Variants in DOLPP1 observed in about 807,000 individuals in gnomAD.
DOLPP1 encodes dolichyldiphosphatase 1.
DOLPP1 carries 15 observed loss-of-function variants against 34.1 expected under a neutral mutation model. That is an observed-to-expected ratio of 0.44 (90% CI 0.29 to 0.68). DOLPP1 has a LOEUF of 0.68. Ranked by LOEUF, DOLPP1 falls within the 30% of genes least tolerant of loss-of-function variation. DOLPP1 has a pLI of 0.12. For synonymous variants in DOLPP1, 130 were observed against 128.2 expected (o/e 1.01, Z -0.10); for missense variants, 249 against 307.1 (o/e 0.81, Z 1.41).
intron 1 of DOLPP1, 80 bp downstream of exon 1, chr9:129,081,287 G>A: frequency 1.9e-6 from 3 of 1,542,050 alleles, no homozygotes; most frequent in Non-Finnish European, 2.6e-6. Context: ...GCTCGAGCCC[G>A]CGGAGGGGGC....
At chr9:129,086,582 G>A (rs1564149686) in intron 6 of DOLPP1, 127 bp from the exon 7 acceptor site, 4 of 1,011,682 alleles carry the variant, frequency 4.0e-6, no homozygotes, top group Non-Finnish European at 4.6e-6. Context: ...GGGGTCTCAG[G>A]CCAGGCAAAG....
chr9:129,088,882 A>T, intron 7 of DOLPP1, 89 bp from the exon 8 acceptor site: 1 of 1,357,174 alleles, frequency 7.4e-7, no homozygotes, highest in South Asian at 1.2e-5. Context: ...GCATTTGCCT[A>T]CTTAGTTGGG....
At position 129,085,252 on chromosome 9, in the gene DOLPP1, A is replaced by T. The variant is rs367784214; in HGVS notation, c.308A>T (p.His103Leu). The T allele has an allele frequency of 1.9e-6, 3 of 1,613,980 alleles. No individual in the cohort carries two copies. The African/African-American group carries it at 4.0e-5, about 22-fold the overall frequency. ...VGTKYGMPSS[H>L]SQFMWFFSVY... ...ACCAAGTACGGGATGCCCTCCAGCCATTCCCAGTTTATGTGGTTCTTCTCC... is the reference window on the plus strand; with the variant it reads ...ACCAAGTACGGGATGCCCTCCAGCCTTTCCCAGTTTATGTGGTTCTTCTCC... Residue 103 changes from histidine (H) to leucine (L), a missense_variant, in exon 4 of 8, where the codon CAT (histidine) becomes CTT (leucine). Physicochemically the swap from His to Leu is moderately conservative, Grantham distance 99 (BLOSUM62 -3). Coordinates refer to ENST00000372546, the MANE Select transcript of DOLPP1 (RefSeq NM_020438.5). The surrounding 1 kb of genome is among the most constrained non-coding windows in gnomAD (Gnocchi z 7.0).
In DOLPP1 at chr9:129,081,150, T is replaced by C. The variant is rs748008507; in HGVS notation, c.19T>C (p.Cys7Arg). The C allele has an allele frequency of 4.3e-6, 7 of 1,609,528 alleles. No individual in the cohort carries two copies. Among genetic ancestry groups the C allele is most frequent in the South Asian group, 1.1e-5 (1 of 91,004 alleles). The change falls in exon 1 of 8, where the codon TGC (cysteine) becomes CGC (arginine). Residue 7 changes from cysteine (C) to arginine (R), a missense_variant. Coordinates refer to ENST00000372546, the MANE Select transcript of DOLPP1 (RefSeq NM_020438.5). MAADGQCSLPASWRPVT... is the reference protein window; with the variant it reads MAADGQRSLPASWRPVT... ...GGGTAAGATGGCAGCGGACGGACAGTGCTCGCTCCCCGCTTCATGGCGGCC... is the reference window on the plus strand; with the variant it reads ...GGGTAAGATGGCAGCGGACGGACAGCGCTCGCTCCCCGCTTCATGGCGGCC...
intron 6 of DOLPP1, 50 bp from the exon 7 acceptor site, chr9:129,086,659 C>T (rs1319526262): frequency 5.2e-6 from 8 of 1,549,330 alleles, no homozygotes; most frequent in Non-Finnish European, 7.1e-6. Context: ...GGCATGGTAA[C>T]AGACTCATGC....
At chr9:129,086,077 G>T in intron 5 of DOLPP1, 62 bp from the exon 6 acceptor site, 1 of 1,551,744 alleles carries the variant, frequency 6.4e-7, no homozygotes, top group East Asian at 2.3e-5. Flanking sequence ...CATGGGCAGT[G>T]GGGATTGTGC....
intron 7 of DOLPP1, among the ~76,000 whole-genome samples, chr9:129,088,580 A>T (rs1426096470): frequency 6.6e-6 from 1 of 152,056 alleles, no homozygotes; most frequent in Non-Finnish European, 1.5e-5. Flanking sequence ...GGAGCTCACT[A>T]CATTTCTGTA....
At chr9:129,088,730 C>G (rs1847041064) in intron 7 of DOLPP1, among the ~76,000 whole-genome samples, 1 of 152,332 alleles carries the variant, frequency 6.6e-6, no homozygotes, top group African/African-American at 2.4e-5. Flanking sequence ...GCTCCAATCC[C>G]CTGGCTCCAC....
chr9:129,089,802 C>T lies in DOLPP1; in HGVS notation c.*795C>T, dbSNP rs41276746. 11 of 152,746 alleles carry T rather than the reference C, an allele frequency of 7.2e-5. No individual in the cohort carries two copies. The highest frequency in any genetic ancestry group is 1.6e-4 in the Non-Finnish European group (11 of 68,046). 9.5% of individuals were successfully genotyped at this position (152,746 alleles called of 1,614,324 possible). ...TGTTTACAGCTCTTTCTTGTCCTGC[C>T]ATCCAGTAGCAGTTAGTCTTCATCC... On this transcript the variant is annotated 3_prime_UTR_variant, in exon 8 of 8. Transcript: ENST00000372546. The surrounding 1 kb of genome is among the most constrained non-coding windows in gnomAD (Gnocchi z 4.9).
At chr9:129,088,011 A>G (rs1040756532) in intron 7 of DOLPP1, among the ~76,000 whole-genome samples, 4 of 151,520 alleles carry the variant, frequency 2.6e-5, no homozygotes, top group Non-Finnish European at 5.9e-5. Flanking sequence ...AGTGACAGCC[A>G]TGGTCCCCTG....
At position 129,089,523 on chromosome 9, in the gene DOLPP1, G is replaced by A. The variant is rs192295549; in HGVS notation, c.*516G>A. ...AGGGCAGACTGCCTCTCCCTGGGCC[G>A]GGGTGGCCTGGGTGCCAGGAGGAGG... On this transcript the variant is annotated 3_prime_UTR_variant, in exon 8 of 8. Transcript: ENST00000372546. This position sits in a 1 kb window ranked among gnomAD's most constrained non-coding sequence, Gnocchi z 4.9. The A allele has an allele frequency of 1.0e-3, 157 of 154,538 alleles. No individual in the cohort carries two copies. Among genetic ancestry groups the A allele is most frequent in the Non-Finnish European group, 1.7e-3 (117 of 69,198 alleles). 9.6% of individuals were successfully genotyped at this position (154,538 alleles called of 1,614,324 possible). A position where few individuals can be genotyped will look rare whatever the true frequency, so the allele number is the denominator to read the frequency against.
chr9:129,081,304 G>T, intron 1 of DOLPP1, 97 bp downstream of exon 1: 1 of 1,472,832 alleles, frequency 6.8e-7, no homozygotes, highest in Non-Finnish European at 9.2e-7. Flanking sequence ...GGGCGCCGGG[G>T]GACCGGGGTG....
Position 129,085,376 on chromosome 9 carries a change from AGCCCTT to A in DOLPP1, c.362+71_362+76del. On this transcript the variant is annotated intron_variant, in intron 4 of 7. Coordinates refer to ENST00000372546, the MANE Select transcript of DOLPP1 (RefSeq NM_020438.5). The surrounding 1 kb of genome is among the most constrained non-coding windows in gnomAD (Gnocchi z 7.0). ...CGAGTTCTGCTAGGGACTCACTGCT[AGCCCTT>A]TGGATGCCCCTGGGGTGGGAGGGGC... 6.5e-7 allele frequency: 1 copy of A among 1,545,598 alleles called. No individual in the cohort carries two copies. The highest frequency in any genetic ancestry group is 1.7e-4 in the Middle Eastern group (1 of 5,938).
In DOLPP1 at chr9:129,085,660, G is replaced by A. The variant is rs779257477; in HGVS notation, c.461+44G>A. On this transcript the variant is annotated intron_variant, in intron 5 of 7. Transcript: ENST00000372546. The surrounding 1 kb of genome is among the most constrained non-coding windows in gnomAD (Gnocchi z 7.0). ...CCCTGCCTGCACCCTGCCCATGTGG[G>A]GTCCTGCTGGTTCCTGGTCCCTGTC... 6.7e-5 allele frequency: 101 copies of A among 1,506,160 alleles called. No homozygotes were observed. Among genetic ancestry groups the A allele is most frequent in the Non-Finnish European group, 6.4e-6 (7 of 1,098,696 alleles). The allele number at this position is 1,506,160 out of a possible 1,614,324, so 93.3% of individuals were successfully genotyped here. A position where few individuals can be genotyped will look rare whatever the true frequency, so the allele number is the denominator to read the frequency against.
chr9:129,081,178 T>A lies in DOLPP1; in HGVS notation c.47T>A (p.Val16Glu), dbSNP rs1209430867. The change falls in exon 1 of 8, where the codon GTG becomes GAG. Residue 16 changes from valine to glutamate, a missense_variant. Transcript: ENST00000372546. ...TCGCTCCCCGCTTCATGGCGGCCGG[T>A]GACCCTCACCCACGTCGAATATCCT... ...QCSLPASWRP[V>E]TLTHVEYPAG... 6.2e-7 allele frequency: 1 copy of A among 1,609,402 alleles called. No individual in the cohort carries two copies. Among genetic ancestry groups the A allele is most frequent in the Non-Finnish European group, 8.5e-7 (1 of 1,179,474 alleles).
rs547877762 is a variant in DOLPP1, at chr9:129,081,251, C to T, written c.76+44C>T. On this transcript the variant is annotated intron_variant, in intron 1 of 7. Transcript: ENST00000372546. ...TCCAAGGACGCCTTCCCAGGGACGG[C>T]CTCTCAGTCCCGGGCGCTCCGGCCT... 6.2e-6 allele frequency: 10 copies of T among 1,600,264 alleles called. No homozygotes were observed. In the South Asian group the frequency reaches 1.1e-4, roughly 18 times the overall value.
At chr9:129,084,792 T>TG in intron 2 of DOLPP1, 24 bp downstream of exon 2, 1 of 1,160,956 alleles carries the variant, frequency 8.6e-7, no homozygotes, top group East Asian at 3.9e-5. Context: ...GCCCACACCC[T>TG]CCCCACCCCA....
Position 129,084,872 on chromosome 9 carries a change from C to T in DOLPP1, c.177+104C>T, listed in dbSNP as rs1588431239. On this transcript the variant is annotated intron_variant, in intron 2 of 7. Transcript: ENST00000372546. Reference sequence around the variant, plus strand: ...AGTCCAGGGTTCTCATCCCTGCGTCCACCTGTCTTGAGGTGCGTGGAGCCT... The same window carrying T: ...AGTCCAGGGTTCTCATCCCTGCGTCTACCTGTCTTGAGGTGCGTGGAGCCT... 62 of 1,261,446 alleles carry T rather than the reference C, an allele frequency of 4.9e-5. No individual in the cohort carries two copies. The Middle Eastern group carries it at 1.1e-3, about 22-fold the overall frequency. 78.1% of individuals were successfully genotyped at this position (1,261,446 alleles called of 1,614,324 possible).
At chr9:129,082,911 C>T (rs1227711851) in intron 1 of DOLPP1, among the ~76,000 whole-genome samples, 2 of 152,300 alleles carry the variant, frequency 1.3e-5, no homozygotes, top group East Asian at 1.9e-4. Flanking sequence ...CAGATTCTCC[C>T]GTCAGACCTC....
Sources: gnomAD v4.1 joint callset for allele counts (sites outside exome capture counted in the v4.1 genomes callset) on GRCh38, gnomAD v4.1.1 for gene constraint, Gnocchi (gnomAD v3.1) non-coding constraint, MANE v1.5 for transcripts, NCBI Gene and HGNC (gene_info 2026-07-23, HGNC 2026-07-21) for gene names.